The following ADGB variants were observed in gnomAD, a reference collection of about 807,000 sequenced individuals.
ADGB encodes the protein calpain-7-like protein.
ADGB carries 172 observed loss-of-function variants against 210.5 expected under a neutral mutation model. That is an observed-to-expected ratio of 0.82 (90% CI 0.72 to 0.93). The LOEUF (loss-of-function observed/expected upper bound fraction) is 0.93. ADGB is among the 40% of genes least tolerant of loss of function. The pLI, the probability that ADGB is intolerant of heterozygous loss-of-function variation, is 0.00. For missense variants in ADGB, 2,025 were observed against 1,964.8 expected, an observed-to-expected ratio of 1.03 and a Z score of -0.58; for synonymous variants, 658 against 662.7, an observed-to-expected ratio of 0.99 and a Z score of 0.11.
chr6:146,712,503 G>A (rs1226968528), intron 13 of ADGB, among the ~76,000 whole-genome samples: 3 of 151,512 alleles, frequency 2.0e-5, no homozygotes, highest in Admixed American at 1.3e-4. Flanking sequence ...TGTTTTTTTT[G>A]TTCTGTTTTG....
At chr6:146,632,821 G>A (rs1330888013) in intron 1 of ADGB, among the ~76,000 whole-genome samples, 1 of 152,128 alleles carries the variant, frequency 6.6e-6, no homozygotes, top group African/African-American at 2.4e-5. Flanking sequence ...GTCTGGCTTA[G>A]TTGGAGGCTT....
At chr6:146,715,307 T>C (rs1312266616) in intron 13 of ADGB, 75 bp from the exon 14 acceptor site, 1 of 1,192,222 alleles carries the variant, frequency 8.4e-7, no homozygotes, top group African/African-American at 1.6e-5. Context: ...CTATATTAGC[T>C]CTTTTAGTAA....
chr6:146,813,472 T>G (rs1356698329), intron 35 of ADGB, among the ~76,000 whole-genome samples: 1 of 152,130 alleles, frequency 6.6e-6, no homozygotes, highest in Non-Finnish European at 1.5e-5. Context: ...CTCGGTCACT[T>G]TGTATGTGTA....
intron 28 of ADGB, among the ~76,000 whole-genome samples, chr6:146,765,865 G>T (rs367950367): frequency 3.4e-4 from 51 of 151,326 alleles, no homozygotes; most frequent in African/African-American, 1.2e-3. Flanking sequence ...ATAAAAGAAA[G>T]GATTTTAATA....
chr6:146,758,664 A>G (rs1395137527), intron 27 of ADGB, among the ~76,000 whole-genome samples: 4 of 151,972 alleles, frequency 2.6e-5, no homozygotes, highest in African/African-American at 9.7e-5. Context: ...TTTACATGAT[A>G]TTTCTATTTT....
At chr6:146,692,370 C>G (rs1251619526) in intron 11 of ADGB, among the ~76,000 whole-genome samples, 2 of 152,126 alleles carry the variant, frequency 1.3e-5, no homozygotes, top group African/African-American at 4.8e-5. Flanking sequence ...CTTTTTACCT[C>G]ATGATCATTA....
intron 11 of ADGB, among the ~76,000 whole-genome samples, chr6:146,691,501 T>TATATATA (rs34082930): frequency 6.6e-5 from 1 of 15,232 alleles, no homozygotes; most frequent in Non-Finnish European, 9.8e-5. Flanking sequence ...TATATATATA[T>TATATATA]TTTTTTTTTT....
intron 1 of ADGB, among the ~76,000 whole-genome samples, chr6:146,602,461 C>T (rs757819296): frequency 9.9e-5 from 15 of 152,126 alleles, no homozygotes; most frequent in East Asian, 3.9e-4. Context: ...CAATTTTTAA[C>T]GTAAGATAAC....
At chr6:146,644,625 A>T (rs1775578692) in intron 2 of ADGB, 148 bp from the exon 3 acceptor site, 2 of 476,932 alleles carry the variant, frequency 4.2e-6, no homozygotes, top group Admixed American at 3.9e-5. Context: ...TAAATACTCC[A>T]TGAATTAGCT....
intron 29 of ADGB, among the ~76,000 whole-genome samples, chr6:146,779,581 A>C (rs1777769147): frequency 6.6e-6 from 1 of 152,140 alleles, no homozygotes; most frequent in South Asian, 2.1e-4. Context: ...GGCTCATCAC[A>C]TACAAGTGAT....
chr6:146,658,468 T>G (rs1034714337), intron 5 of ADGB, among the ~76,000 whole-genome samples: 1 of 152,060 alleles, frequency 6.6e-6, no homozygotes, highest in African/African-American at 2.4e-5. Context: ...ATGCCCTGGT[T>G]CCTGTCCCAC....
chr6:146,797,406 A>G (rs907636149), intron 33 of ADGB, among the ~76,000 whole-genome samples: 4 of 152,216 alleles, frequency 2.6e-5, no homozygotes, highest in Non-Finnish European at 4.4e-5. Flanking sequence ...ACACATGTTT[A>G]TAGCAGCACA....
chr6:146,644,160 A>ATACTGTAT (rs1775570065), intron 2 of ADGB, among the ~76,000 whole-genome samples: 1 of 151,858 alleles, frequency 6.6e-6, no homozygotes, highest in African/African-American at 2.4e-5. Flanking sequence ...CCTGGTTGTC[A>ATACTGTAT]TACTGTATTA....
rs1202979190 is a variant in ADGB at position 146,771,460 on chromosome 6, G to GGTTGCCACTTTTGTTCTCGCTT, written c.3862+2330_3862+2351dup. Among the ~76,000 whole-genome samples the GGTTGCCACTTTTGTTCTCGCTT allele has an allele frequency of 4.6e-5, 7 of 151,954 alleles. 1 individual carries two copies. Among genetic ancestry groups the GGTTGCCACTTTTGTTCTCGCTT allele is most frequent in the Non-Finnish European group, 7.4e-5 (5 of 68,018 alleles). ...CTTTCTCTATATGTTTTTCCCGTCA[G>GGTTGCCACTTTTGTTCTCGCTT]GTTGCCACTTTTGTTCTCGCTTAAA... On this transcript the variant is annotated intron_variant, in intron 29 of 35. Coordinates refer to ENST00000397944, the MANE Select transcript of ADGB (RefSeq NM_024694.4).
intron 1 of ADGB, among the ~76,000 whole-genome samples, chr6:146,619,749 G>A (rs1174013231): frequency 6.6e-6 from 1 of 152,020 alleles, no homozygotes; most frequent in African/African-American, 2.4e-5. Context: ...CTAATTAACT[G>A]TTGTAATTAT....
At chr6:146,604,368 T>C (rs1780603410) in intron 1 of ADGB, among the ~76,000 whole-genome samples, 2 of 152,152 alleles carry the variant, frequency 1.3e-5, no homozygotes, top group Non-Finnish European at 2.9e-5. Flanking sequence ...AATTATGTAA[T>C]GCAAAATTTT....
Position 146,691,219 on chromosome 6 carries a change from AACC to A in ADGB, c.1419_1421del (p.Pro475del). 1 of 1,549,234 alleles carries A rather than the reference AACC, an allele frequency of 6.5e-7. No homozygotes were observed. The highest frequency in any genetic ancestry group is 8.7e-7 in the Non-Finnish European group (1 of 1,146,390). ...TCTTGTCCTCTGGTAGCACCACCAA[AACC>A]ACCTCCTCTACCTCCCTGGAAACTC... On this transcript the variant is annotated inframe_deletion, in exon 11 of 36. Transcript: ENST00000397944.
At chr6:146,784,566 C>A in intron 30 of ADGB, 52 bp from the exon 31 acceptor site, 1 of 1,368,052 alleles carries the variant, frequency 7.3e-7, no homozygotes, top group Admixed American at 2.9e-5. Flanking sequence ...AAAATCTAGA[C>A]CCTTTTGAAA....
chr6:146,671,112 G>T (rs1416647996), intron 7 of ADGB, among the ~76,000 whole-genome samples: 3 of 152,124 alleles, frequency 2.0e-5, no homozygotes, highest in Non-Finnish European at 4.4e-5. Flanking sequence ...AGGTAAATAG[G>T]ATCTAGATAG....
Sources: gnomAD v4.1 joint callset for allele counts (sites outside exome capture counted in the v4.1 genomes callset) on GRCh38, gnomAD v4.1.1 for gene constraint, MANE v1.5 for transcripts, NCBI Gene and HGNC (gene_info 2026-07-23, HGNC 2026-07-21) for gene names.